The following NLK variants were observed in gnomAD, a reference collection of about 807,000 sequenced individuals.
NLK encodes the protein nemo like kinase, also known as serine/threonine-protein kinase NLK.
In NLK, 11 loss-of-function variants were observed where a neutral mutation model predicts 59.0. That is an observed-to-expected ratio of 0.19 (90% CI 0.12 to 0.31). The LOEUF is 0.31. Among genes scored for constraint, NLK ranks in the 10% least tolerant of loss-of-function variants. The pLI, the probability that NLK is intolerant of heterozygous loss-of-function variation, is 1.00. For missense variants in NLK, 410 were observed against 661.1 expected, an observed-to-expected ratio of 0.62 and a Z score of 4.16; for synonymous variants, 235 against 235.9, an observed-to-expected ratio of 1.00 and a Z score of 0.03.
At chr17:28,159,433 AGT>A (rs576512887) in intron 3 of NLK, among the ~76,000 whole-genome samples, 135 of 133,908 alleles carry the variant, frequency 1.0e-3, no homozygotes, top group Non-Finnish European at 1.9e-3. Flanking sequence ...CTAGGTGGTA[AGT>A]GTGTATATGG....
chr17:28,161,816 G>T (rs1203574493), intron 4 of NLK, among the ~76,000 whole-genome samples: 1 of 152,090 alleles, frequency 6.6e-6, no homozygotes. Context: ...ACTGAGAAAG[G>T]ATTTGGGCCA....
chr17:28,062,312 A>G (rs529117587), intron 1 of NLK, among the ~76,000 whole-genome samples: 59 of 152,220 alleles, frequency 3.9e-4, no homozygotes, highest in African/African-American at 1.3e-3. Context: ...CTTTTTGACC[A>G]TTTCCTATCA....
At chr17:28,120,540 C>T (rs564478431) in intron 1 of NLK, among the ~76,000 whole-genome samples, 1 of 152,186 alleles carries the variant, frequency 6.6e-6, no homozygotes, top group South Asian at 2.1e-4. Flanking sequence ...TGCTTGAGCC[C>T]AAGAGTTCCA....
intron 7 of NLK, among the ~76,000 whole-genome samples, chr17:28,181,965 G>A (rs1166069052): frequency 6.6e-6 from 1 of 151,766 alleles, no homozygotes; most frequent in African/African-American, 2.4e-5. Flanking sequence ...AGCTGAGATC[G>A]CACCATTGCG....
chr17:28,085,011 G>A (rs539660198), intron 1 of NLK, among the ~76,000 whole-genome samples: 2 of 152,318 alleles, frequency 1.3e-5, no homozygotes, highest in African/African-American at 4.8e-5. Context: ...TAATGCCAAG[G>A]TTTCTATTGT....
At chr17:28,127,242 C>T (rs541156363) in intron 2 of NLK, among the ~76,000 whole-genome samples, 102 of 152,278 alleles carry the variant, frequency 6.7e-4, no homozygotes, top group Admixed American at 9.8e-4. Context: ...CTTGGGGTTA[C>T]TTTTTCTTGT....
intron 1 of NLK, among the ~76,000 whole-genome samples, chr17:28,097,117 TG>T (rs1317204825): frequency 6.6e-6 from 1 of 152,230 alleles, no homozygotes; most frequent in Non-Finnish European, 1.5e-5. Context: ...ATTTCAGTTT[TG>T]TTTGGGATAT....
intron 1 of NLK, among the ~76,000 whole-genome samples, chr17:28,066,139 C>T (rs1308794846): frequency 1.3e-5 from 2 of 152,142 alleles, no homozygotes; most frequent in Non-Finnish European, 2.9e-5. Flanking sequence ...AGGTGTTCAA[C>T]CTCTGCCCCT....
At chr17:28,100,645 A>T (rs1439332490) in intron 1 of NLK, among the ~76,000 whole-genome samples, 1 of 152,140 alleles carries the variant, frequency 6.6e-6, no homozygotes, top group East Asian at 1.9e-4. Context: ...AGTGTCTCCC[A>T]TTTGGTGGCT....
intron 1 of NLK, among the ~76,000 whole-genome samples, chr17:28,107,596 C>A (rs1274581171): frequency 6.6e-6 from 1 of 151,946 alleles, no homozygotes; most frequent in Non-Finnish European, 1.5e-5. Flanking sequence ...TGAAAAAACT[C>A]TAAGAATAAT....
At chr17:28,071,987 G>C (rs1910020299) in intron 1 of NLK, among the ~76,000 whole-genome samples, 1 of 152,086 alleles carries the variant, frequency 6.6e-6, no homozygotes, top group Admixed American at 6.5e-5. Context: ...TGAGTTCTCA[G>C]CTTTCTTGTA....
intron 1 of NLK, among the ~76,000 whole-genome samples, chr17:28,045,185 G>A (rs1363915907): frequency 2.0e-5 from 3 of 152,148 alleles, no homozygotes; most frequent in Non-Finnish European, 4.4e-5. Flanking sequence ...TTTGTCTCAT[G>A]TACTTAAAGT....
At chr17:28,093,103 T>C (rs1173281238) in intron 1 of NLK, among the ~76,000 whole-genome samples, 2 of 152,020 alleles carry the variant, frequency 1.3e-5, no homozygotes, top group Non-Finnish European at 2.9e-5. Context: ...TAGTGGCTTG[T>C]TTTTTTGTTA....
At chr17:28,186,240 C>G (rs978978152) in intron 8 of NLK, among the ~76,000 whole-genome samples, 9 of 152,152 alleles carry the variant, frequency 5.9e-5, no homozygotes, top group African/African-American at 2.2e-4. Flanking sequence ...CAGAAGATAT[C>G]AAATTCACAA....
intron 1 of NLK, among the ~76,000 whole-genome samples, chr17:28,067,677 A>C (rs957066039): frequency 3.3e-5 from 5 of 152,104 alleles, no homozygotes; most frequent in Non-Finnish European, 7.4e-5. Context: ...GATCTGGTCA[A>C]ACATGATGCA....
chr17:28,169,325 T>C lies in NLK; in HGVS notation c.1047+668T>C, dbSNP rs1352574510. On this transcript the variant is annotated intron_variant, in intron 6 of 10. Transcript: ENST00000407008. ...ACTTGAAAATGTATTGGTGACTTAATGTACTTACACTTTGTGCTTAGAATA... is the reference window on the plus strand; with the variant it reads ...ACTTGAAAATGTATTGGTGACTTAACGTACTTACACTTTGTGCTTAGAATA... Among the ~76,000 whole-genome samples, 11 of 152,260 alleles carry C rather than the reference T, an allele frequency of 7.2e-5. No individual in the cohort carries two copies. In the South Asian group the frequency reaches 2.1e-3, roughly 29 times the overall value.
intron 3 of NLK, among the ~76,000 whole-genome samples, chr17:28,152,336 A>C (rs976932924): frequency 9.2e-5 from 14 of 152,136 alleles, no homozygotes; most frequent in African/African-American, 1.4e-4. Flanking sequence ...TCGTTTATAA[A>C]TTTATAAGTC....
intron 2 of NLK, among the ~76,000 whole-genome samples, chr17:28,128,525 A>C (rs1237943126): frequency 6.6e-6 from 1 of 152,178 alleles, no homozygotes; most frequent in Non-Finnish European, 1.5e-5. Flanking sequence ...ACTTAATGAA[A>C]AATTTCACGA....
chr17:28,126,875 C>T (rs1037544211), intron 2 of NLK, among the ~76,000 whole-genome samples: 2 of 152,114 alleles, frequency 1.3e-5, no homozygotes, highest in African/African-American at 2.4e-5. Flanking sequence ...TGCATTTGTG[C>T]TTGTATGTAT....
Sources: gnomAD v4.1 joint callset for allele counts (sites outside exome capture counted in the v4.1 genomes callset) on GRCh38, gnomAD v4.1.1 for gene constraint, MANE v1.5 for transcripts, NCBI Gene and HGNC (gene_info 2026-07-23, HGNC 2026-07-21) for gene names.